Variants in GRM8 observed in about 807,000 individuals in gnomAD.
The protein encoded by GRM8 is glutamate metabotropic receptor 8, also known as metabotropic glutamate receptor 8.
GRM8 carries 47 observed loss-of-function variants against 87.2 expected under a neutral mutation model. The ratio of observed to expected loss-of-function variants is 0.54; its 90% CI spans 0.43 to 0.69. The LOEUF is 0.69. Ranked by LOEUF, GRM8 falls within the 30% of genes least tolerant of loss-of-function variation. The pLI is 0.00. For missense variants in GRM8, 1,019 were observed against 1,139.2 expected (o/e 0.89, Z 1.52); for synonymous variants, 396 against 404.5 (o/e 0.98, Z 0.25).
intron 6 of GRM8, chr7:126,870,636 G>C (rs1586264921): frequency 6.6e-6 from 1 of 152,180 alleles, no homozygotes; most frequent in Non-Finnish European, 1.5e-5. Context: ...TGCTGAAGCA[G>C]TCAGAACACA....
chr7:126,749,565 T>C (rs1303913696), intron 7 of GRM8, among the ~76,000 whole-genome samples: 2 of 149,760 alleles, frequency 1.3e-5, no homozygotes, highest in Non-Finnish European at 3.0e-5. Flanking sequence ...ATATAAAATA[T>C]ATATAATCAT....
chr7:126,643,267 G>T (rs1585337156), intron 7 of GRM8, among the ~76,000 whole-genome samples: 1 of 124,056 alleles, frequency 8.1e-6, no homozygotes, highest in East Asian at 2.4e-4. Context: ...CTCCAGCATG[G>T]GTGACAGAGT....
At chr7:126,934,725 T>C (rs1309964391) in intron 3 of GRM8, among the ~76,000 whole-genome samples, 2 of 152,180 alleles carry the variant, frequency 1.3e-5, no homozygotes, top group Non-Finnish European at 2.9e-5. Flanking sequence ...GTCTTTGCCT[T>C]CATAAGCAAT....
Position 126,468,716 on chromosome 7 carries a change from T to C in GRM8, c.2431-22344A>G, listed in dbSNP as rs548266048. ...AACCTGCTAAAATCTAACTCACTGA[T>C]ACTTCTATTGCAAAAGTGCTAAAAG... On this transcript the variant is annotated intron_variant, in intron 9 of 10. Transcript: ENST00000339582. Among the ~76,000 whole-genome samples, 20 of 152,278 alleles carry C rather than the reference T, an allele frequency of 1.3e-4. No homozygotes were observed. In the South Asian group the frequency reaches 2.5e-3, roughly 19 times the overall value.
chr7:126,922,359 A>T (rs1804618103), intron 3 of GRM8, among the ~76,000 whole-genome samples: 1 of 152,166 alleles, frequency 6.6e-6, no homozygotes, highest in Non-Finnish European at 1.5e-5. Flanking sequence ...ATCCATGTGC[A>T]ATGTGTGTAC....
chr7:126,537,440 A>T (rs942734461), intron 8 of GRM8, among the ~76,000 whole-genome samples: 3 of 152,222 alleles, frequency 2.0e-5, no homozygotes, highest in African/African-American at 7.2e-5. Context: ...AATATTTGAG[A>T]CTAACAACTT....
intron 9 of GRM8, among the ~76,000 whole-genome samples, chr7:126,517,216 T>G (rs527587010): frequency 2.1e-4 from 32 of 152,170 alleles, no homozygotes; most frequent in South Asian, 1.0e-3. Flanking sequence ...AAACTTAACA[T>G]TTCTCAAGTG....
At chr7:126,587,279 A>T (rs1292625286) in intron 8 of GRM8, among the ~76,000 whole-genome samples, 1 of 152,210 alleles carries the variant, frequency 6.6e-6, no homozygotes, top group African/African-American at 2.4e-5. Context: ...CGATTCCTCA[A>T]GGATCTAGAA....
intron 6 of GRM8, among the ~76,000 whole-genome samples, chr7:126,792,683 A>G (rs1821484186): frequency 6.6e-6 from 1 of 152,236 alleles, no homozygotes; most frequent in Admixed American, 6.5e-5. Context: ...TTCCAATGAA[A>G]GAGAAAAAGG....
intron 3 of GRM8, among the ~76,000 whole-genome samples, chr7:126,941,894 C>G (rs540611005): frequency 6.6e-6 from 1 of 152,132 alleles, no homozygotes; most frequent in Admixed American, 6.5e-5. Context: ...ATATTTTCTT[C>G]CAAATATATA....
At chr7:126,862,979 A>T (rs1798265237) in intron 6 of GRM8, among the ~76,000 whole-genome samples, 1 of 151,958 alleles carries the variant, frequency 6.6e-6, no homozygotes, top group Non-Finnish European at 1.5e-5. Flanking sequence ...TTCTTCTTGT[A>T]TGCTTTTCCC....
chr7:126,966,545 C>A (rs1284397990), intron 3 of GRM8, among the ~76,000 whole-genome samples: 1 of 152,024 alleles, frequency 6.6e-6, no homozygotes. Flanking sequence ...ATTATGATGA[C>A]CTTCCCATGA....
chr7:126,624,899 G>A (rs1160182249), intron 7 of GRM8, among the ~76,000 whole-genome samples: 1 of 152,180 alleles, frequency 6.6e-6, no homozygotes, highest in African/African-American at 2.4e-5. Context: ...ACATTAGGCT[G>A]GATTCCAGCG....
In GRM8 at chr7:126,445,987, T is replaced by C. The variant is rs1487204233; in HGVS notation, c.2677+139A>G. The C allele has an allele frequency of 8.3e-6, 8 of 958,164 alleles. 1 individual carries two copies. Among genetic ancestry groups the C allele is most frequent in the East Asian group, 4.8e-5 (2 of 41,442 alleles). The allele number at this position is 958,164 out of a possible 1,614,324, so 59.4% of individuals were successfully genotyped here. A position where few individuals can be genotyped will look rare whatever the true frequency, so the allele number is the denominator to read the frequency against. The stretch of plus-strand genomic sequence containing the variant: ...TTGCTTCGAATGGTTTTAAATGTGA[T>C]GGTGTCACGGTATGTGAGTACCATC... On this transcript the variant is annotated intron_variant, in intron 10 of 10. Coordinates refer to ENST00000339582, the MANE Select transcript of GRM8 (RefSeq NM_000845.3).
chr7:127,221,902 C>T, intron 2 of GRM8, among the ~76,000 whole-genome samples: 1 of 152,198 alleles, frequency 6.6e-6, no homozygotes, highest in South Asian at 2.1e-4. Context: ...CCCTCCTGCC[C>T]TCTCAAGCTC....
intron 2 of GRM8, chr7:127,228,627 T>C (rs975231511): frequency 6.6e-6 from 1 of 152,182 alleles, no homozygotes; most frequent in South Asian, 2.1e-4. Flanking sequence ...GGTTTCATGA[T>C]TCCAGGCATT....
rs543210368 is a variant in GRM8 at position 127,129,519 on chromosome 7, T to G, written c.511-22807A>C. Reference sequence around the variant, plus strand: ...CCAAAATCAAATTCCCAAACACTTGTGCAAAACTGCTAAAAATTTCATTTT... The same window carrying G: ...CCAAAATCAAATTCCCAAACACTTGGGCAAAACTGCTAAAAATTTCATTTT... On this transcript the variant is annotated intron_variant, in intron 2 of 10. Coordinates refer to ENST00000339582, the MANE Select transcript of GRM8 (RefSeq NM_000845.3). Among the ~76,000 whole-genome samples the G allele has an allele frequency of 5.8e-4, 88 of 152,286 alleles. No homozygotes were observed. The South Asian group carries it at 7.9e-3, about 14-fold the overall frequency.
rs894548566 is a variant in GRM8, at chr7:126,836,618, G to C, written c.1156+65924C>G. ...CACTCTCTGGCTCCTCCCCTGCCTC[G>C]TACTCACCTGCTGTCTCCTGCTCAT... On this transcript the variant is annotated intron_variant, in intron 6 of 10. Coordinates refer to ENST00000339582, the MANE Select transcript of GRM8 (RefSeq NM_000845.3). Among the ~76,000 whole-genome samples, 6 of 151,960 alleles carry C rather than the reference G, an allele frequency of 3.9e-5. No homozygotes were observed. The South Asian group carries it at 1.2e-3, about 32-fold the overall frequency.
intron 7 of GRM8, among the ~76,000 whole-genome samples, chr7:126,629,416 T>G (rs549403493): frequency 2.6e-5 from 4 of 152,280 alleles, no homozygotes; most frequent in Admixed American, 2.6e-4. Context: ...TTATTTCACT[T>G]CTTGTTAAGT....
Sources: allele counts gnomAD v4.1 joint callset (sites outside exome capture counted in the v4.1 genomes callset), GRCh38; gene constraint gnomAD v4.1.1; transcripts MANE v1.5; gene names NCBI Gene and HGNC (gene_info 2026-07-23, HGNC 2026-07-21).